Variants in SEZ6L observed in about 807,000 individuals in gnomAD.
SEZ6L encodes seizure 6-like protein.
In SEZ6L, 37 loss-of-function variants were observed where a neutral mutation model predicts 106.2. The observed-to-expected ratio is 0.35, with a 90% confidence interval of 0.27 to 0.46. The LOEUF (loss-of-function observed/expected upper bound fraction) is 0.46. SEZ6L is among the 20% of genes least tolerant of loss of function. SEZ6L has a pLI of 1.00. For synonymous variants in SEZ6L, 541 were observed against 570.4 expected (o/e 0.95, Z 0.73); for missense variants, 1,172 against 1,332.8 (o/e 0.88, Z 1.88).
chr22:26,341,151 A>G (rs1371778709), intron 10 of SEZ6L, among the ~76,000 whole-genome samples: 1 of 152,172 alleles, frequency 6.6e-6, no homozygotes, highest in Non-Finnish European at 1.5e-5. Context: ...TCGTTGAACA[A>G]GGACAGCCTT....
chr22:26,292,416 C>A lies in SEZ6L; in HGVS notation c.105C>A (p.Pro35=), dbSNP rs201233214. Residue 35 remains proline, a synonymous_variant, in exon 2 of 17, where the codon CCC becomes CCA. Coordinates refer to ENST00000248933, the MANE Select transcript of SEZ6L (RefSeq NM_021115.5). ...TTCTCCTCTTCCAAGATGCTCTTCCCGAGGGAGATGCTAGCCCTTTGGGTC... is the reference window on the plus strand; with the variant it reads ...TTCTCCTCTTCCAAGATGCTCTTCCAGAGGGAGATGCTAGCCCTTTGGGTC... ...PAAALERDAL[P]EGDASPLGPY... 4.0e-5 allele frequency: 64 copies of A among 1,611,946 alleles called. No homozygotes were observed. Among genetic ancestry groups the A allele is most frequent in the African/African-American group, 5.3e-5 (4 of 74,858 alleles).
chr22:26,201,454 G>A (rs1257584325), intron 1 of SEZ6L, among the ~76,000 whole-genome samples: 4 of 151,364 alleles, frequency 2.6e-5, no homozygotes, highest in South Asian at 2.1e-4. Context: ...CCAGCTACTC[G>A]GGAGGCTGAG....
intron 1 of SEZ6L, among the ~76,000 whole-genome samples, chr22:26,194,440 C>T (rs1940449180): frequency 6.6e-6 from 1 of 152,176 alleles, no homozygotes; most frequent in African/African-American, 2.4e-5. Flanking sequence ...GCATGGAGTG[C>T]TATCCTTACC....
intron 6 of SEZ6L, among the ~76,000 whole-genome samples, chr22:26,308,358 T>G (rs759019130): frequency 6.6e-5 from 10 of 151,860 alleles, no homozygotes; most frequent in Admixed American, 1.3e-4. Flanking sequence ...GAAGCTCTCA[T>G]GAGAACAGGA....
chr22:26,274,198 G>A lies in SEZ6L; in HGVS notation c.95-18208G>A, dbSNP rs146923420. Among the ~76,000 whole-genome samples, 329 of 152,242 alleles carry A rather than the reference G, an allele frequency of 2.2e-3. 9 individuals carry two copies. The East Asian group carries it at 0.032, about 15-fold the overall frequency. ...TTCAGTTTCCTCTTTTGTAAAATGT[G>A]GGTAATAACATTATCTACCTCCCAG... On this transcript the variant is annotated intron_variant, in intron 1 of 16. Transcript: ENST00000248933.
At chr22:26,351,774 T>G (rs1404679373) in intron 12 of SEZ6L, among the ~76,000 whole-genome samples, 1 of 152,144 alleles carries the variant, frequency 6.6e-6, no homozygotes, top group Non-Finnish European at 1.5e-5. Flanking sequence ...CTTGAACTCT[T>G]GATCTCAAAT....
chr22:26,289,212 C>T (rs758409381), intron 1 of SEZ6L, among the ~76,000 whole-genome samples: 6 of 152,178 alleles, frequency 3.9e-5, no homozygotes, highest in Admixed American at 1.3e-4. Context: ...TTGTGTTGTA[C>T]CACAGCTGGG....
In SEZ6L at chr22:26,307,637, C is replaced by T. The variant is rs1239939995; in HGVS notation, c.1514+1493C>T. Among the ~76,000 whole-genome samples the T allele has an allele frequency of 2.6e-5, 4 of 152,132 alleles. No homozygotes were observed. The East Asian group carries it at 7.7e-4, about 29-fold the overall frequency. Reference sequence around the variant, plus strand: ...GCTCCCGAACGTGGCTTTTTAGCAGCACCAGAATAATAACCTGGGGAATTC... The same window carrying T: ...GCTCCCGAACGTGGCTTTTTAGCAGTACCAGAATAATAACCTGGGGAATTC... On this transcript the variant is annotated intron_variant, in intron 6 of 16. Transcript: ENST00000248933.
intron 5 of SEZ6L, 104 bp downstream of exon 5, chr22:26,299,273 A>AG: frequency 2.1e-6 from 2 of 972,526 alleles, no homozygotes; most frequent in Non-Finnish European, 2.7e-6. Flanking sequence ...CTTTCAGCCC[A>AG]GGGGAAGAAA....
At chr22:26,175,938 C>T (rs1013204819) in intron 1 of SEZ6L, among the ~76,000 whole-genome samples, 1 of 152,156 alleles carries the variant, frequency 6.6e-6, no homozygotes, top group Non-Finnish European at 1.5e-5. Context: ...GAAATCAGTC[C>T]TTGAGGAAGT....
intron 1 of SEZ6L, among the ~76,000 whole-genome samples, chr22:26,288,260 C>T (rs1452183631): frequency 6.6e-6 from 1 of 152,208 alleles, no homozygotes; most frequent in Admixed American, 6.5e-5. Context: ...CATAGTAAGT[C>T]AGGTGGGTTC....
chr22:26,310,207 G>A (rs1429842167), intron 6 of SEZ6L, among the ~76,000 whole-genome samples: 2 of 152,234 alleles, frequency 1.3e-5, no homozygotes, highest in Non-Finnish European at 2.9e-5. Context: ...AGAGGAAACA[G>A]GTTCGATAAG....
intron 12 of SEZ6L, 35 bp from the exon 13 acceptor site, chr22:26,365,337 C>G: frequency 6.4e-7 from 1 of 1,564,618 alleles, no homozygotes; most frequent in Non-Finnish European, 8.7e-7. Context: ...AGATTTGCAT[C>G]ATCTCATCAG....
At chr22:26,325,060 C>A (rs531000108) in intron 9 of SEZ6L, among the ~76,000 whole-genome samples, 4 of 152,286 alleles carry the variant, frequency 2.6e-5, no homozygotes, top group Non-Finnish European at 5.9e-5. Flanking sequence ...ACACGCATCT[C>A]TGCTCCATGT....
chr22:26,314,363 C>A (rs963807266), intron 9 of SEZ6L, among the ~76,000 whole-genome samples: 4 of 152,160 alleles, frequency 2.6e-5, no homozygotes, highest in Non-Finnish European at 5.9e-5. Context: ...ACAGAATGTG[C>A]AAAGGCCCTG....
In SEZ6L at chr22:26,254,814, CAGCTCCAGCAAGCT is replaced by C. The variant is rs2079751247; in HGVS notation, c.95-37590_95-37577del. 2.0e-5 allele frequency among the ~76,000 whole-genome samples: 3 copies of C among 152,204 alleles called. No individual in the cohort carries two copies. The South Asian group carries it at 6.2e-4, about 32-fold the overall frequency. On this transcript the variant is annotated intron_variant, in intron 1 of 16. Coordinates refer to ENST00000248933, the MANE Select transcript of SEZ6L (RefSeq NM_021115.5). ...GTCTTAATGAGGAGGGTCTAGAATACAGCTCCAGCAAGCTAAGATAGTGGACAGCTGCCAAGATC... is the reference window on the plus strand; with the variant it reads ...GTCTTAATGAGGAGGGTCTAGAATACAAGATAGTGGACAGCTGCCAAGATC...
intron 12 of SEZ6L, among the ~76,000 whole-genome samples, chr22:26,356,740 T>A (rs656901): frequency 0.74 from 110,898 of 150,598 alleles, 41,178 homozygotes; most frequent in Middle Eastern, 0.82. Flanking sequence ...GCTGTGCAAA[T>A]CTTCTTAAAC....
In SEZ6L at chr22:26,245,975, A is replaced by G. The variant is rs189589010; in HGVS notation, c.95-46431A>G. Among the ~76,000 whole-genome samples the G allele has an allele frequency of 3.3e-5, 5 of 152,372 alleles. No individual in the cohort carries two copies. The East Asian group carries it at 9.6e-4, about 29-fold the overall frequency. ...CCACGTAGTTAGAACGTGAAACTCT[A>G]TGCCAAAGCAGACCATGCAAAAATG... On this transcript the variant is annotated intron_variant, in intron 1 of 16. Transcript: ENST00000248933.
intron 9 of SEZ6L, among the ~76,000 whole-genome samples, chr22:26,327,454 C>T (rs1414899643): frequency 3.8e-5 from 5 of 132,246 alleles, no homozygotes; most frequent in African/African-American, 1.3e-4. Flanking sequence ...CTACACACAC[C>T]ACACACCATA....
Sources: gnomAD v4.1 joint callset for allele counts (sites outside exome capture counted in the v4.1 genomes callset) on GRCh38, gnomAD v4.1.1 for gene constraint, MANE v1.5 for transcripts, NCBI Gene and HGNC (gene_info 2026-07-23, HGNC 2026-07-21) for gene names.